SPAG17: variants seen among roughly 807,000 people sequenced by gnomAD.
SPAG17 encodes the protein sperm-associated antigen 17.
A neutral mutation model predicts 273.6 loss-of-function variants in SPAG17; 169 were observed. The observed-to-expected ratio is 0.62, with a 90% CI of 0.55 to 0.70. The LOEUF (loss-of-function observed/expected upper bound fraction) is 0.70. Among genes scored for constraint, SPAG17 ranks in the 30% least tolerant of loss-of-function variants. The pLI, the probability that SPAG17 is intolerant of heterozygous loss-of-function variation, is 0.00. For synonymous variants in SPAG17, 825 were observed against 873.2 expected (o/e 0.94, Z 0.97); for missense variants, 2,557 against 2,627.8 (o/e 0.97, Z 0.59).
At chr1:118,126,565 T>C (rs907354374) in intron 3 of SPAG17, among the ~76,000 whole-genome samples, 2 of 152,066 alleles carry the variant, frequency 1.3e-5, no homozygotes, top group Non-Finnish European at 2.9e-5. Flanking sequence ...TTTGAGTTCC[T>C]TATATATTCT....
chr1:118,140,379 G>C lies in SPAG17; in HGVS notation c.315+10164C>G, dbSNP rs146016407. ...TCACCACAAAAAATGTTAAATGTTT[G>C]AGGTAATGGATATGTTAACTAGCTT... On this transcript the variant is annotated intron_variant, in intron 3 of 48. Coordinates refer to ENST00000336338, the MANE Select transcript of SPAG17 (RefSeq NM_206996.4). 1.2e-3 allele frequency among the ~76,000 whole-genome samples: 184 copies of C among 152,236 alleles called. 1 individual carries two copies. The highest frequency in any genetic ancestry group is 3.6e-3 in the African/African-American group (149 of 41,550).
chr1:118,035,609 G>C (rs1648987260), intron 24 of SPAG17, among the ~76,000 whole-genome samples: 1 of 152,042 alleles, frequency 6.6e-6, no homozygotes, highest in Non-Finnish European at 1.5e-5. Flanking sequence ...TTGACACAAG[G>C]TAAGAAATAA....
At chr1:118,072,261 A>G (rs1653675935) in intron 17 of SPAG17, among the ~76,000 whole-genome samples, 1 of 152,236 alleles carries the variant, frequency 6.6e-6, no homozygotes, top group Non-Finnish European at 1.5e-5. Context: ...CTGTTTTCAA[A>G]TATTGAATGC....
chr1:118,078,195 G>C (rs1654258870), intron 15 of SPAG17, among the ~76,000 whole-genome samples: 2 of 152,022 alleles, frequency 1.3e-5, no homozygotes. Context: ...CTAGATTAAT[G>C]AAAAGGGTAA....
chr1:118,164,247 T>G (rs1178296172), intron 1 of SPAG17, among the ~76,000 whole-genome samples: 1 of 152,248 alleles, frequency 6.6e-6, no homozygotes, highest in Non-Finnish European at 1.5e-5. Context: ...TTTTGACTTC[T>G]TGATGAACAT....
intron 3 of SPAG17, among the ~76,000 whole-genome samples, chr1:118,118,237 G>T (rs1018185533): frequency 2.6e-5 from 4 of 152,122 alleles, no homozygotes; most frequent in African/African-American, 9.7e-5. Context: ...TTAATTAAAA[G>T]AATAAATCTC....
intron 1 of SPAG17, 129 bp downstream of exon 1, chr1:118,184,942 G>T: frequency 5.2e-6 from 4 of 766,158 alleles, no homozygotes; most frequent in Non-Finnish European, 8.7e-6. Context: ...TGGGACCCTG[G>T]GTCCTGGAAC....
At chr1:118,162,919 A>T (rs1002651157) in intron 1 of SPAG17, among the ~76,000 whole-genome samples, 1 of 152,216 alleles carries the variant, frequency 6.6e-6, no homozygotes, top group Non-Finnish European at 1.5e-5. Flanking sequence ...ATTAACTATT[A>T]GTGAAATCAT....
At chr1:118,038,840 G>A (rs1185636697) in intron 23 of SPAG17, among the ~76,000 whole-genome samples, 1 of 152,090 alleles carries the variant, frequency 6.6e-6, no homozygotes, top group East Asian at 1.9e-4. Flanking sequence ...TAGTATAATG[G>A]TAGACACATG....
At chr1:118,160,914 A>T (rs1159358895) in intron 1 of SPAG17, among the ~76,000 whole-genome samples, 2 of 152,138 alleles carry the variant, frequency 1.3e-5, no homozygotes, top group Non-Finnish European at 2.9e-5. Flanking sequence ...GCTAGCAGGG[A>T]ATGATGGGAA....
intron 1 of SPAG17, among the ~76,000 whole-genome samples, chr1:118,163,184 A>G (rs1055554502): frequency 6.6e-6 from 1 of 152,216 alleles, no homozygotes; most frequent in African/African-American, 2.4e-5. Flanking sequence ...TTAAAAAAGT[A>G]CTGAAAAAAA....
chr1:117,981,110 G>A (rs780591898), intron 43 of SPAG17, among the ~76,000 whole-genome samples, 160 bp downstream of exon 43: 4 of 152,182 alleles, frequency 2.6e-5, no homozygotes, highest in Non-Finnish European at 5.9e-5. Flanking sequence ...ATACTTCGAT[G>A]TGCTAAGAAG....
chr1:117,959,481 T>G lies in SPAG17; in HGVS notation c.*4318A>C, dbSNP rs75654390. On this transcript the variant is annotated intron_variant, in intron 48 of 48. Transcript: ENST00000336338. Reference sequence around the variant, plus strand: ...TGTGGTATCTTTTTTTTTTTCAACTTTTTCCTTTAAAGGACTCCTAAACTA... The same window carrying G: ...TGTGGTATCTTTTTTTTTTTCAACTGTTTCCTTTAAAGGACTCCTAAACTA... 4,409 of 1,548,088 alleles carry G rather than the reference T, an allele frequency of 2.8e-3. 69 individuals are homozygous for G. The East Asian group carries it at 0.031, about 11-fold the overall frequency.
In SPAG17 at chr1:117,996,379, C is replaced by T; in HGVS notation, c.5044G>A (p.Glu1682Lys). The T allele has an allele frequency of 6.2e-7, 1 of 1,611,760 alleles. No individual in the cohort carries two copies. The highest frequency in any genetic ancestry group is 1.1e-5 in the South Asian group (1 of 90,800). Reference protein sequence around the residue: ...NTVVLQEPVQEQPGTLTITVL... With the variant: ...NTVVLQEPVQKQPGTLTITVL... The stretch of plus-strand genomic sequence containing the variant: ...AGTATGGGTCCTCTACCTGGCTGTT[C>T]CTGCACTGGCTCTTGGAGAACAACA... The change falls in exon 34 of 49, where the codon GAA (glutamate) becomes AAA (lysine). Residue 1682 changes from glutamate to lysine, a missense_variant. Coordinates refer to ENST00000336338, the MANE Select transcript of SPAG17 (RefSeq NM_206996.4).
chr1:118,066,612 T>C (rs1243434672), intron 18 of SPAG17, 133 bp downstream of exon 18: 1 of 674,200 alleles, frequency 1.5e-6, no homozygotes, highest in Non-Finnish European at 2.5e-6. Context: ...ATTGAATCTA[T>C]AGTACTACAC....
At position 117,988,015 on chromosome 1, in the gene SPAG17, AG is replaced by A. The variant is rs1656630422; in HGVS notation, c.5621+89del. ...TGAAGGGCTGTGAATTCATTGATGT[AG>A]TCACCAAAAGTTATAGCACCTGCAT... On this transcript the variant is annotated intron_variant, in intron 39 of 48. Coordinates refer to ENST00000336338, the MANE Select transcript of SPAG17 (RefSeq NM_206996.4). The A allele has an allele frequency of 2.1e-6, 3 of 1,396,828 alleles. No homozygotes were observed. The African/African-American group carries it at 4.3e-5, about 20-fold the overall frequency. The allele number at this position is 1,396,828 out of a possible 1,614,324, so 86.5% of individuals were successfully genotyped here. A position where few individuals can be genotyped will look rare whatever the true frequency, so the allele number is the denominator to read the frequency against.
chr1:118,030,087 C>T (rs1386811862), intron 25 of SPAG17, among the ~76,000 whole-genome samples: 1 of 151,960 alleles, frequency 6.6e-6, no homozygotes, highest in African/African-American at 2.4e-5. Context: ...AGCAAGATGC[C>T]TTTGGCCAAA....
At chr1:117,997,843 A>G (rs930246694) in intron 32 of SPAG17, among the ~76,000 whole-genome samples, 4 of 152,138 alleles carry the variant, frequency 2.6e-5, no homozygotes, top group African/African-American at 9.7e-5. Flanking sequence ...TTGCTTTTTC[A>G]AAAACCATTT....
At chr1:118,021,307 C>T (rs1163802604) in intron 28 of SPAG17, among the ~76,000 whole-genome samples, 3 of 152,046 alleles carry the variant, frequency 2.0e-5, no homozygotes, top group Non-Finnish European at 4.4e-5. Flanking sequence ...TCTAGAAAGG[C>T]TACATAAGGT....
Sources: gnomAD v4.1 joint callset for allele counts (sites outside exome capture counted in the v4.1 genomes callset) on GRCh38, gnomAD v4.1.1 for gene constraint, MANE v1.5 for transcripts, NCBI Gene and HGNC (gene_info 2026-07-23, HGNC 2026-07-21) for gene names.